GRIK2: variants seen among roughly 807,000 people sequenced by gnomAD.
The protein encoded by GRIK2 is glutamate receptor ionotropic, kainate 2.
GRIK2 carries 32 observed loss-of-function variants against 100.3 expected under a neutral mutation model. That is an observed-to-expected ratio of 0.32 (90% CI 0.24 to 0.43). GRIK2 has a LOEUF of 0.43. Among genes scored for constraint, GRIK2 ranks in the 20% least tolerant of loss-of-function variants. The pLI, the probability that GRIK2 is intolerant of heterozygous loss-of-function variation, is 1.00. For missense variants in GRIK2, 843 were observed against 1,114.9 expected (o/e 0.76, Z 3.47); for synonymous variants, 417 against 389.4 (o/e 1.07, Z -0.83).
intron 7 of GRIK2, among the ~76,000 whole-genome samples, chr6:101,736,721 G>A (rs1029876381): frequency 5.3e-5 from 8 of 152,146 alleles, no homozygotes; most frequent in East Asian, 1.9e-4. Flanking sequence ...AAAGACCTCT[G>A]ACATGCCCTG....
chr6:101,399,741 C>A (rs1415474436), intron 2 of GRIK2, among the ~76,000 whole-genome samples: 1 of 152,164 alleles, frequency 6.6e-6, no homozygotes, highest in Non-Finnish European at 1.5e-5. Flanking sequence ...GCGCGGTCCG[C>A]GCAAAAGTGC....
intron 2 of GRIK2, among the ~76,000 whole-genome samples, chr6:101,493,299 T>A (rs926295575): frequency 6.6e-6 from 1 of 151,926 alleles, no homozygotes; most frequent in African/African-American, 2.4e-5. Context: ...AGAAATTCCC[T>A]AAACACATTA....
intron 14 of GRIK2, among the ~76,000 whole-genome samples, chr6:102,023,876 A>G (rs1041214990): frequency 1.3e-5 from 2 of 151,550 alleles, no homozygotes; most frequent in Non-Finnish European, 3.0e-5. Context: ...TCATGGAAAA[A>G]TCATCTGAAC....
intron 2 of GRIK2, among the ~76,000 whole-genome samples, chr6:101,509,386 T>C (rs909239218): frequency 6.6e-6 from 1 of 152,120 alleles, no homozygotes; most frequent in African/African-American, 2.4e-5. Context: ...CCTAGAACAT[T>C]GTGTGTGCTG....
intron 2 of GRIK2, among the ~76,000 whole-genome samples, chr6:101,446,660 A>G (rs1770396763): frequency 1.3e-5 from 2 of 151,802 alleles, no homozygotes; most frequent in African/African-American, 4.8e-5. Context: ...CTTTACCATC[A>G]CCTGTTTGAA....
At chr6:101,538,389 A>G (rs1029377386) in intron 2 of GRIK2, among the ~76,000 whole-genome samples, 2 of 151,774 alleles carry the variant, frequency 1.3e-5, no homozygotes, top group African/African-American at 4.8e-5. Context: ...TTTTTCTTAT[A>G]ATTAAAATTA....
intron 2 of GRIK2, among the ~76,000 whole-genome samples, chr6:101,478,015 CAGTG>C (rs1319006369): frequency 6.6e-6 from 1 of 152,070 alleles, no homozygotes; most frequent in Non-Finnish European, 1.5e-5. Context: ...TTAGATGGCT[CAGTG>C]AGTATCTTTG....
chr6:101,605,868 A>G lies in GRIK2; in HGVS notation c.116-16081A>G, dbSNP rs984817418. ...ACTTTGTAGAGAGCAACTGATTAAC[A>G]TAATAATATCACAGGGTAGAAATAT... On this transcript the variant is annotated intron_variant, in intron 2 of 16. Transcript: ENST00000369134. Among the ~76,000 whole-genome samples the G allele has an allele frequency of 2.6e-5, 4 of 152,060 alleles. No individual in the cohort carries two copies. The East Asian group carries it at 5.8e-4, about 22-fold the overall frequency.
intron 2 of GRIK2, among the ~76,000 whole-genome samples, chr6:101,443,038 C>G (rs1307740598): frequency 2.0e-5 from 3 of 152,126 alleles, no homozygotes; most frequent in Non-Finnish European, 4.4e-5. Flanking sequence ...TTGCATCACA[C>G]TATTTCATTT....
At chr6:101,955,742 T>A (rs563033785) in intron 14 of GRIK2, among the ~76,000 whole-genome samples, 1 of 152,262 alleles carries the variant, frequency 6.6e-6, no homozygotes, top group East Asian at 1.9e-4. Context: ...TCCTTTTTTT[T>A]TCTGTTAGAT....
At chr6:101,523,931 G>A (rs769541427) in intron 2 of GRIK2, among the ~76,000 whole-genome samples, 11 of 151,788 alleles carry the variant, frequency 7.2e-5, no homozygotes, top group African/African-American at 2.2e-4. Flanking sequence ...CATATTGGTC[G>A]GGCTGGCCTC....
intron 2 of GRIK2, among the ~76,000 whole-genome samples, chr6:101,501,989 T>C (rs977741043): frequency 6.6e-6 from 1 of 152,198 alleles, no homozygotes; most frequent in Admixed American, 6.6e-5. Context: ...TCTGCTCACC[T>C]TGGCCTCCCA....
At chr6:101,672,872 C>T (rs1770546642) in intron 4 of GRIK2, among the ~76,000 whole-genome samples, 1 of 152,080 alleles carries the variant, frequency 6.6e-6, no homozygotes, top group Non-Finnish European at 1.5e-5. Context: ...ATGAATAGTG[C>T]TGCGATGAAC....
chr6:102,042,790 G>A (rs1770661543), intron 15 of GRIK2, among the ~76,000 whole-genome samples: 1 of 151,526 alleles, frequency 6.6e-6, no homozygotes, highest in South Asian at 2.1e-4. Context: ...AGGGTTTATA[G>A]GATAAAATTA....
intron 2 of GRIK2, among the ~76,000 whole-genome samples, chr6:101,475,478 A>G (rs1645188162): frequency 6.6e-6 from 1 of 152,002 alleles, no homozygotes; most frequent in African/African-American, 2.4e-5. Context: ...GCCAGTTTAA[A>G]AGTTGGATCA....
At chr6:101,501,596 A>G (rs1005113291) in intron 2 of GRIK2, among the ~76,000 whole-genome samples, 1 of 152,152 alleles carries the variant, frequency 6.6e-6, no homozygotes, top group Admixed American at 6.6e-5. Flanking sequence ...ACCAGTCAAC[A>G]TGTCCTACAG....
At chr6:101,625,482 A>G (rs540277571) in intron 3 of GRIK2, among the ~76,000 whole-genome samples, 1 of 152,116 alleles carries the variant, frequency 6.6e-6, no homozygotes, top group South Asian at 2.1e-4. Context: ...TTGCCCATCA[A>G]GTGAAACAAA....
At chr6:101,952,910 A>C (rs1387015324) in intron 14 of GRIK2, among the ~76,000 whole-genome samples, 2 of 152,224 alleles carry the variant, frequency 1.3e-5, no homozygotes, top group Non-Finnish European at 2.9e-5. Flanking sequence ...TTTTGAAAAT[A>C]AACCATGTAC....
At chr6:101,541,264 C>A (rs1373292555) in intron 2 of GRIK2, among the ~76,000 whole-genome samples, 4 of 151,794 alleles carry the variant, frequency 2.6e-5, no homozygotes, top group African/African-American at 7.3e-5. Flanking sequence ...CCACCAGAAC[C>A]AAGGTTCAGT....
Sources: allele counts gnomAD v4.1 joint callset (sites outside exome capture counted in the v4.1 genomes callset), GRCh38; gene constraint gnomAD v4.1.1; transcripts MANE v1.5; gene names NCBI Gene and HGNC (gene_info 2026-07-23, HGNC 2026-07-21).